Variants in CELF4 observed in about 807,000 individuals in gnomAD.
CELF4 encodes the protein CUG-BP- and ETR-3-like factor 4.
Under a neutral mutation model 59.9 loss-of-function variants are expected in CELF4, and 18 were observed. That is an observed-to-expected ratio of 0.30 (90% CI 0.21 to 0.45). CELF4 has a LOEUF of 0.45. Ranked by LOEUF, CELF4 falls within the 20% of genes least tolerant of loss-of-function variation. The pLI is 1.00. For synonymous variants in CELF4, 261 were observed against 267.1 expected (o/e 0.98, Z 0.22); for missense variants, 456 against 689.0 (o/e 0.66, Z 3.79).
intron 2 of CELF4, among the ~76,000 whole-genome samples, chr18:37,482,008 T>C (rs2099868808): frequency 6.6e-6 from 1 of 152,248 alleles, no homozygotes; most frequent in Non-Finnish European, 1.5e-5. Context: ...ATGCCTGTCA[T>C]ATAGTAAGCA....
In CELF4 at chr18:37,284,497, T is replaced by TCATCCA. The variant is rs552429207; in HGVS notation, c.449-9260_449-9255dup. ...CCCTCCCTTGGCTCCCTCTGGTTCC[T>TCATCCA]CATCCACGGCACCCATGGCTGCTCC... is the stretch of plus-strand genomic sequence containing the variant. On this transcript the variant is annotated intron_variant, in intron 3 of 12. Coordinates refer to ENST00000420428, the MANE Select transcript of CELF4 (RefSeq NM_020180.4). 3.5e-3 allele frequency among the ~76,000 whole-genome samples: 528 copies of TCATCCA among 152,262 alleles called. 3 individuals are homozygous for TCATCCA. Among genetic ancestry groups the TCATCCA allele is most frequent in the African/African-American group, 0.012 (512 of 41,542 alleles).
chr18:37,418,035 C>T (rs1189733338), intron 2 of CELF4, among the ~76,000 whole-genome samples: 1 of 152,204 alleles, frequency 6.6e-6, no homozygotes, highest in African/African-American at 2.4e-5. Flanking sequence ...CCTGGAAGCA[C>T]TACCAGTGAG....
chr18:37,551,316 A>G (rs12605894), intron 1 of CELF4, among the ~76,000 whole-genome samples: 11,314 of 152,266 alleles, frequency 0.074, 558 homozygotes, highest in East Asian at 0.21. Flanking sequence ...CACCTCAGCC[A>G]TGACTGCCCC....
intron 2 of CELF4, among the ~76,000 whole-genome samples, chr18:37,362,343 A>G (rs775552138): frequency 1.3e-5 from 2 of 152,174 alleles, no homozygotes; most frequent in African/African-American, 2.4e-5. Flanking sequence ...TTGCGGACGC[A>G]TCACTCCCCG....
At chr18:37,297,006 C>A (rs2095685565) in intron 3 of CELF4, among the ~76,000 whole-genome samples, 1 of 152,078 alleles carries the variant, frequency 6.6e-6, no homozygotes, top group Non-Finnish European at 1.5e-5. Context: ...GCAGCTCAGG[C>A]CTACAACCAG....
chr18:37,378,478 G>A (rs190098920), intron 2 of CELF4, among the ~76,000 whole-genome samples: 114 of 152,288 alleles, frequency 7.5e-4, no homozygotes, highest in African/African-American at 2.3e-3. Flanking sequence ...AAAATGCCCC[G>A]AAAAGCAGAG....
intron 2 of CELF4, among the ~76,000 whole-genome samples, chr18:37,458,594 C>T (rs947895206): frequency 6.6e-5 from 10 of 152,198 alleles, no homozygotes; most frequent in Admixed American, 2.6e-4. Context: ...TCATCCCTGC[C>T]GGCTGACATT....
At chr18:37,291,150 C>A (rs2095306891) in intron 3 of CELF4, among the ~76,000 whole-genome samples, 1 of 152,108 alleles carries the variant, frequency 6.6e-6, no homozygotes, top group South Asian at 2.1e-4. Flanking sequence ...CTCAGGTGAT[C>A]CGCCTGCCTC....
chr18:37,409,204 G>A (rs1438112684), intron 2 of CELF4, among the ~76,000 whole-genome samples: 1 of 152,218 alleles, frequency 6.6e-6, no homozygotes, highest in Non-Finnish European at 1.5e-5. Context: ...AGCTTTCTGG[G>A]AGGACTGACC....
At chr18:37,329,410 C>T (rs562214428) in intron 2 of CELF4, among the ~76,000 whole-genome samples, 1 of 152,360 alleles carries the variant, frequency 6.6e-6, no homozygotes, top group South Asian at 2.1e-4. Context: ...GACATCACCT[C>T]TTCCCATGGG....
chr18:37,563,812 T>C (rs2099987296), intron 1 of CELF4, among the ~76,000 whole-genome samples: 2 of 151,992 alleles, frequency 1.3e-5, no homozygotes, highest in Admixed American at 6.6e-5. Flanking sequence ...GATTTACTCC[T>C]CAGCAGGCAA....
chr18:37,279,488 G>C (rs1174283991), intron 3 of CELF4, among the ~76,000 whole-genome samples: 1 of 152,200 alleles, frequency 6.6e-6, no homozygotes, highest in Admixed American at 6.5e-5. Flanking sequence ...AGGCCTCACG[G>C]GTTCCTCCTG....
chr18:37,355,750 G>C (rs983572124), intron 2 of CELF4, among the ~76,000 whole-genome samples: 2 of 152,170 alleles, frequency 1.3e-5, no homozygotes, highest in African/African-American at 4.8e-5. Flanking sequence ...TGAAGAGTGG[G>C]TGACCAGGCC....
intron 2 of CELF4, among the ~76,000 whole-genome samples, chr18:37,418,540 C>T (rs1311372510): frequency 6.6e-6 from 1 of 152,188 alleles, no homozygotes; most frequent in Non-Finnish European, 1.5e-5. Flanking sequence ...TTGGAAATCA[C>T]CTAGCCCAAC....
chr18:37,414,659 G>A (rs566495043), intron 2 of CELF4, among the ~76,000 whole-genome samples: 18 of 151,794 alleles, frequency 1.2e-4, no homozygotes, highest in African/African-American at 4.1e-4. Context: ...CACCGTGCCC[G>A]GCTAATTTTT....
At chr18:37,315,538 C>CCAT (rs1399795179) in intron 3 of CELF4, among the ~76,000 whole-genome samples, 1 of 152,136 alleles carries the variant, frequency 6.6e-6, no homozygotes, top group Non-Finnish European at 1.5e-5. Flanking sequence ...CTAGCAGTAA[C>CCAT]CATCACACTG....
intron 3 of CELF4, among the ~76,000 whole-genome samples, chr18:37,284,191 A>G (rs1384441856): frequency 2.0e-5 from 3 of 150,518 alleles, no homozygotes; most frequent in Non-Finnish European, 3.0e-5. Flanking sequence ...ACACAAATAC[A>G]TATGTGCAGA....
chr18:37,318,247 T>A (rs2096937937), intron 3 of CELF4, among the ~76,000 whole-genome samples: 1 of 151,572 alleles, frequency 6.6e-6, no homozygotes, highest in African/African-American at 2.4e-5. Context: ...GCCCCAGTCT[T>A]CCCTCACCCA....
chr18:37,424,069 T>C (rs1451083554), intron 2 of CELF4, among the ~76,000 whole-genome samples: 3 of 152,026 alleles, frequency 2.0e-5, no homozygotes, highest in Non-Finnish European at 4.4e-5. Flanking sequence ...ATCTATCAGG[T>C]TGGTGCAAAA....
Sources: gnomAD v4.1 joint callset for allele counts (sites outside exome capture counted in the v4.1 genomes callset) on GRCh38, gnomAD v4.1.1 for gene constraint, MANE v1.5 for transcripts, NCBI Gene and HGNC (gene_info 2026-07-23, HGNC 2026-07-21) for gene names.